APBB2: variants seen among roughly 807,000 people sequenced by gnomAD.
The protein encoded by APBB2 is amyloid beta precursor protein binding family B member 2, also known as Fe65-like 1.
APBB2 carries 38 observed loss-of-function variants against 82.5 expected under a neutral mutation model. The observed-to-expected ratio is 0.46, with a 90% CI of 0.36 to 0.60. The LOEUF (loss-of-function observed/expected upper bound fraction) is 0.60. Ranked by LOEUF, APBB2 falls within the 20% of genes least tolerant of loss-of-function variation. APBB2 has a pLI of 0.00. For synonymous variants in APBB2, 341 were observed against 368.2 expected, an observed-to-expected ratio of 0.93 and a Z score of 0.85; for missense variants, 772 against 972.3, an observed-to-expected ratio of 0.79 and a Z score of 2.74.
chr4:41,033,439 TTTG>T, intron 4 of APBB2, 135 bp from the exon 5 acceptor site: 1 of 511,456 alleles, frequency 2.0e-6, no homozygotes, highest in Non-Finnish European at 3.4e-6. Flanking sequence ...TGTCCAAATT[TTTG>T]TTTGTTTATA....
intron 5 of APBB2, among the ~76,000 whole-genome samples, chr4:41,016,588 T>C (rs1420087137): frequency 1.3e-5 from 2 of 151,782 alleles, no homozygotes; most frequent in South Asian, 2.1e-4. Context: ...GAGGTAGAGG[T>C]TGCAGTGAGA....
chr4:41,149,553 G>T (rs890235101), intron 1 of APBB2, among the ~76,000 whole-genome samples: 13 of 152,074 alleles, frequency 8.5e-5, no homozygotes, highest in Non-Finnish European at 1.5e-4. Flanking sequence ...GAAAATCCAT[G>T]CACTCAACAA....
intron 6 of APBB2, among the ~76,000 whole-genome samples, chr4:40,959,478 A>T (rs1329401433): frequency 6.6e-6 from 1 of 152,226 alleles, no homozygotes; most frequent in Admixed American, 6.5e-5. Context: ...ACAAAATGGA[A>T]GCTATTTAGA....
chr4:41,101,440 C>T (rs541611984), intron 2 of APBB2, among the ~76,000 whole-genome samples: 9 of 121,310 alleles, frequency 7.4e-5, no homozygotes, highest in African/African-American at 2.6e-4. Flanking sequence ...GTCCGCAGTC[C>T]GACCTGGGCG....
chr4:40,874,343 T>C (rs1490999229), intron 12 of APBB2, among the ~76,000 whole-genome samples: 1 of 152,210 alleles, frequency 6.6e-6, no homozygotes, highest in African/African-American at 2.4e-5. Context: ...ATTTCAGTTT[T>C]TTATCCAAGG....
chr4:40,895,772 A>G (rs1773497862), intron 10 of APBB2, among the ~76,000 whole-genome samples: 1 of 152,028 alleles, frequency 6.6e-6, no homozygotes, highest in Admixed American at 6.6e-5. Context: ...TGCCATTCCA[A>G]CCTTGTCTCC....
At chr4:40,968,530 T>C (rs1795217072) in intron 6 of APBB2, among the ~76,000 whole-genome samples, 1 of 152,184 alleles carries the variant, frequency 6.6e-6, no homozygotes, top group African/African-American at 2.4e-5. Context: ...AGATTTCCTT[T>C]AGAATGGCAC....
chr4:41,053,605 A>T (rs1726830703), intron 4 of APBB2, among the ~76,000 whole-genome samples: 1 of 145,506 alleles, frequency 6.9e-6, no homozygotes, highest in Non-Finnish European at 1.6e-5. Flanking sequence ...TCAAGAAATC[A>T]GACTATTTAT....
intron 12 of APBB2, among the ~76,000 whole-genome samples, chr4:40,871,081 GA>G (rs1765395900): frequency 6.6e-6 from 1 of 152,014 alleles, no homozygotes; most frequent in African/African-American, 2.4e-5. Flanking sequence ...GGTAATCCAG[GA>G]TAATATCCTC....
chr4:41,014,142 A>T lies in APBB2; in HGVS notation c.276T>A (p.Asn92Lys). ...SDPAAQPLLG[N>K]GSANIKLVKN... ...TCACCAGCTTGATGTTGGCAGAGCC[A>T]TTTCCCAGCAGGGGCTGTGCAGCTG... Residue 92 changes from asparagine to lysine, a missense_variant, in exon 6 of 18, where the codon AAT (asparagine) becomes AAA (lysine). Physicochemically the swap from Asn to Lys is moderately conservative, Grantham distance 94. Coordinates refer to ENST00000508593, the MANE Select transcript of APBB2 (RefSeq NM_004307.2). 6.2e-7 allele frequency: 1 copy of T among 1,614,086 alleles called. No individual in the cohort carries two copies. The highest frequency in any genetic ancestry group is 2.2e-5 in the East Asian group (1 of 44,878).
At chr4:40,965,240 G>A (rs1253330178) in intron 6 of APBB2, among the ~76,000 whole-genome samples, 2 of 152,226 alleles carry the variant, frequency 1.3e-5, no homozygotes, top group African/African-American at 2.4e-5. Context: ...TTGCATGCGT[G>A]GAGCAGGGAT....
chr4:40,907,369 ATATATATATATTTTTTT>A (rs1171987723), intron 10 of APBB2, among the ~76,000 whole-genome samples: 311 of 87,356 alleles, frequency 3.6e-3, no homozygotes, highest in African/African-American at 7.1e-3. Context: ...ATATATATAT[ATATATATATATTTTTTT>A]TTTTTTTTTT....
At chr4:41,062,664 G>A (rs555460089) in intron 4 of APBB2, among the ~76,000 whole-genome samples, 1 of 152,238 alleles carries the variant, frequency 6.6e-6, no homozygotes, top group South Asian at 2.1e-4. Flanking sequence ...TTCAGGCAAT[G>A]TGTTATGCAG....
intron 2 of APBB2, among the ~76,000 whole-genome samples, chr4:41,112,675 G>T (rs1012851482): frequency 1.3e-5 from 2 of 152,176 alleles, no homozygotes; most frequent in African/African-American, 4.8e-5. Flanking sequence ...CACTTCTGTG[G>T]GTCTACACAG....
chr4:40,972,427 C>CAA (rs11349428), intron 6 of APBB2, among the ~76,000 whole-genome samples: 41 of 126,392 alleles, frequency 3.2e-4, no homozygotes, highest in African/African-American at 1.2e-3. Context: ...GACTCCATCT[C>CAA]AAAAAAAAAA....
intron 1 of APBB2, among the ~76,000 whole-genome samples, chr4:41,210,811 A>G (rs1779129549): frequency 1.3e-5 from 2 of 152,252 alleles, no homozygotes; most frequent in South Asian, 4.1e-4. Flanking sequence ...ATATTTTCAT[A>G]TAAGATAAAA....
intron 1 of APBB2, among the ~76,000 whole-genome samples, chr4:41,209,543 A>C (rs1024372271): frequency 6.6e-6 from 1 of 152,212 alleles, no homozygotes; most frequent in Admixed American, 6.5e-5. Flanking sequence ...GCTGGGACAC[A>C]GGAAAGGCTT....
intron 2 of APBB2, among the ~76,000 whole-genome samples, chr4:41,134,119 T>C (rs2154009030): frequency 6.6e-6 from 1 of 152,246 alleles, no homozygotes; most frequent in Non-Finnish European, 1.5e-5. Context: ...TATAGGCATG[T>C]GCCACCATAC....
At chr4:41,003,279 A>C (rs1417552185) in intron 6 of APBB2, among the ~76,000 whole-genome samples, 1 of 152,232 alleles carries the variant, frequency 6.6e-6, no homozygotes, top group Non-Finnish European at 1.5e-5. Context: ...CTTACAGTAT[A>C]TTCCACTCAA....
Sources: allele counts gnomAD v4.1 joint callset (sites outside exome capture counted in the v4.1 genomes callset), GRCh38; gene constraint gnomAD v4.1.1; transcripts MANE v1.5; gene names NCBI Gene and HGNC (gene_info 2026-07-23, HGNC 2026-07-21).